The following DOCK11 variants were observed in gnomAD, a reference collection of about 807,000 sequenced individuals.
DOCK11 encodes the protein dedicator of cytokinesis 11, also known as dedicator of cytokinesis protein 11.
DOCK11 carries 70 observed loss-of-function variants against 169.1 expected under a neutral mutation model. That is an observed-to-expected ratio of 0.41 (90% CI 0.34 to 0.51). The LOEUF (loss-of-function observed/expected upper bound fraction) is 0.51. DOCK11 is among the 20% of genes least tolerant of loss of function. DOCK11 has a pLI of 0.10. For missense variants in DOCK11, 1,166 were observed against 1,538.8 expected (o/e 0.76, Z 4.05); for synonymous variants, 529 against 541.3 (o/e 0.98, Z 0.32).
Position 118,654,941 on chromosome X carries a change from C to T in DOCK11, c.4949C>T (p.Ala1650Val), listed in dbSNP as rs2016031065. Residue 1650 changes from alanine to valine, a missense_variant, in exon 44 of 53, where the codon GCA becomes GTA. Physicochemically the swap from Ala to Val is moderately conservative, Grantham distance 64. Transcript: ENST00000276202. The stretch of plus-strand genomic sequence containing the variant: ...TATGTCCATGTAGCAGCTCTAGTTG[C>T]AGAGTTTCTTCATCGAAAAAGTAAG... ...MCYVHVAALV[A>V]EFLHRKKLFP... 3 of 1,208,324 alleles carry T rather than the reference C, an allele frequency of 2.5e-6. No homozygotes were observed. The highest frequency in any genetic ancestry group is 3.5e-5 in the African/African-American group (2 of 57,802).
At chrX:118,623,716 G>A (rs1178874717) in intron 31 of DOCK11, among the ~76,000 whole-genome samples, 1 of 113,080 alleles carries the variant, frequency 8.8e-6, no homozygotes, top group Non-Finnish European at 1.9e-5. Flanking sequence ...TAAAACAATA[G>A]TAAGAGACCA....
intron 6 of DOCK11, 58 bp downstream of exon 6, chrX:118,546,174 A>C (rs1244119525): frequency 2.3e-6 from 1 of 427,616 alleles, no homozygotes; most frequent in Non-Finnish European, 3.6e-6. Flanking sequence ...TAAGTAGTCT[A>C]TCTGGAAACA....
intron 3 of DOCK11, 135 bp from the exon 4 acceptor site, chrX:118,543,376 C>A: frequency 2.1e-6 from 1 of 474,505 alleles, no homozygotes; most frequent in Non-Finnish European, 3.5e-6. Flanking sequence ...ACAGTTAACC[C>A]ATAAAGGAAG....
intron 1 of DOCK11, among the ~76,000 whole-genome samples, chrX:118,542,086 A>T (rs1274484200): frequency 8.9e-6 from 1 of 111,892 alleles, no homozygotes; most frequent in Non-Finnish European, 1.9e-5. Flanking sequence ...CACACTTCCA[A>T]GTATGCCACT....
At chrX:118,648,007 T>G (rs2015807937) in intron 40 of DOCK11, among the ~76,000 whole-genome samples, 1 of 37,321 alleles carries the variant, frequency 2.7e-5, no homozygotes, top group Non-Finnish European at 4.2e-5. Context: ...TATATTATTA[T>G]AATATATAAT....
At chrX:118,680,743 C>A in intron 49 of DOCK11, 51 bp downstream of exon 49, 1 of 996,471 alleles carries the variant, frequency 1.0e-6, no homozygotes. Flanking sequence ...TCTTTTTCAG[C>A]ATACACGAGT....
chrX:118,525,453 A>G (rs1448103628), intron 1 of DOCK11, among the ~76,000 whole-genome samples: 2 of 111,920 alleles, frequency 1.8e-5, no homozygotes, highest in East Asian at 2.8e-4. Flanking sequence ...GATTCCACAT[A>G]TATGAGGTAC....
At chrX:118,628,477 C>T (rs531289507) in intron 34 of DOCK11, among the ~76,000 whole-genome samples, 42 of 112,368 alleles carry the variant, frequency 3.7e-4, no homozygotes, top group Middle Eastern at 4.6e-3. Context: ...GAGAATAAGG[C>T]ATTCATCCTC....
Position 118,648,638 on chromosome X carries a change from AATAGAT to A in DOCK11, c.4399-303_4399-298del, listed in dbSNP as rs1212555775. On this transcript the variant is annotated intron_variant, in intron 40 of 52. Coordinates refer to ENST00000276202, the MANE Select transcript of DOCK11 (RefSeq NM_144658.4). Reference sequence around the variant, plus strand: ...AATATATAATACATATATAATATATAATAGATATAATATAATACTATAATATGTTGC... The same window carrying A: ...AATATATAATACATATATAATATATAATAATATAATACTATAATATGTTGC... Among the ~76,000 whole-genome samples, 7 of 100,944 alleles carry A rather than the reference AATAGAT, an allele frequency of 6.9e-5. No homozygotes were observed. In the South Asian group the frequency reaches 2.9e-3, roughly 41 times the overall value. The allele number at this position is 100,944 out of a possible 115,157, so 87.7% of individuals were successfully genotyped here. A position where few individuals can be genotyped will look rare whatever the true frequency, so the allele number is the denominator to read the frequency against.
intron 44 of DOCK11, among the ~76,000 whole-genome samples, chrX:118,658,595 A>G (rs113404391): frequency 0.077 from 8,584 of 110,964 alleles, 872 homozygotes; most frequent in African/African-American, 0.27. Flanking sequence ...CCTACCCTCA[A>G]ACTTCTTTCA....
chrX:118,575,068 T>C (rs1026970030), intron 12 of DOCK11, among the ~76,000 whole-genome samples: 18 of 112,034 alleles, frequency 1.6e-4, no homozygotes, highest in African/African-American at 4.9e-4. Flanking sequence ...AAAAATACTA[T>C]TCTTTTTTTC....
In DOCK11 at chrX:118,542,979, T is replaced by G. The variant is rs771834404; in HGVS notation, c.273T>G (p.Asp91Glu). ...RRTVQSTVPE[D>E]AEKRAQSLFV... ...CGGTGCAGTCTACTGTACCAGAAGA[T>G]GCTGAAAAGAGGGCCCAGAGTTTAT... Residue 91 changes from aspartate to glutamate, a missense_variant, in exon 3 of 53, where the codon GAT (aspartate) becomes GAG (glutamate). By Grantham distance (45) the Asp-to-Glu change is conservative. Coordinates refer to ENST00000276202, the MANE Select transcript of DOCK11 (RefSeq NM_144658.4). 8.3e-7 allele frequency: 1 copy of G among 1,211,145 alleles called. No homozygotes were observed. Among genetic ancestry groups the G allele is most frequent in the Admixed American group, 2.2e-5 (1 of 46,003 alleles).
intron 1 of DOCK11, among the ~76,000 whole-genome samples, chrX:118,519,844 AG>A (rs1248571945): frequency 9.0e-6 from 1 of 111,668 alleles, no homozygotes; most frequent in Non-Finnish European, 1.9e-5. Flanking sequence ...TTTTTAAGGC[AG>A]GGTTTTGTGA....
intron 30 of DOCK11, among the ~76,000 whole-genome samples, chrX:118,617,263 G>A (rs1287167): frequency 0.16 from 16,795 of 107,361 alleles, 1,128 homozygotes; most frequent in East Asian, 0.37. Flanking sequence ...AGGCCGAGGC[G>A]GGTGGATTCC....
At position 118,495,954 on chromosome X, in the gene DOCK11, C is replaced by A; in HGVS notation, c.-18C>A. The A allele has an allele frequency of 9.5e-7, 1 of 1,053,757 alleles. No individual in the cohort carries two copies. The highest frequency in any genetic ancestry group is 2.2e-5 in the South Asian group (1 of 45,861). The allele number at this position is 1,053,757 out of a possible 1,213,427, so 86.8% of individuals were successfully genotyped here. On this transcript the variant is annotated 5_prime_UTR_variant, in exon 1 of 53. Coordinates refer to ENST00000276202, the MANE Select transcript of DOCK11 (RefSeq NM_144658.4). The stretch of plus-strand genomic sequence containing the variant: ...CCGAGGTCCGCCCGCCCGCCGAGAC[C>A]CGCCCGCCGCCGCTGCCATGGCCGA...
intron 1 of DOCK11, among the ~76,000 whole-genome samples, chrX:118,523,491 T>C (rs1242765066): frequency 8.9e-6 from 1 of 112,271 alleles, no homozygotes. Flanking sequence ...GTTGGTGATC[T>C]GTAATTGTCA....
intron 35 of DOCK11, among the ~76,000 whole-genome samples, chrX:118,631,441 G>A (rs192791282): frequency 7.9e-4 from 88 of 111,360 alleles, no homozygotes; most frequent in African/African-American, 2.7e-3. Context: ...AGGAATGTAC[G>A]ATTTAGCATA....
chrX:118,684,257 TTTC>T (rs1408417598), intron 52 of DOCK11, among the ~76,000 whole-genome samples: 3 of 108,395 alleles, frequency 2.8e-5, no homozygotes, highest in African/African-American at 1.0e-4. Context: ...CAAGCTTTTT[TTTC>T]TTTTTTTTTT....
At chrX:118,648,075 T>TTATACA (rs1187043744) in intron 40 of DOCK11, among the ~76,000 whole-genome samples, 3 of 51,295 alleles carry the variant, frequency 5.8e-5, no homozygotes, top group Non-Finnish European at 6.0e-5. Flanking sequence ...AATTGTAATA[T>TTATACA]ATATAATATA....
Sources: gnomAD v4.1 joint callset for allele counts (sites outside exome capture counted in the v4.1 genomes callset) on GRCh38, gnomAD v4.1.1 for gene constraint, MANE v1.5 for transcripts, NCBI Gene and HGNC (gene_info 2026-07-23, HGNC 2026-07-21) for gene names.